The following KCNT1 variants were observed in gnomAD, a reference collection of about 807,000 sequenced individuals.
KCNT1 encodes the protein potassium sodium-activated channel subfamily T member 1, also known as potassium channel subfamily T member 1.
Under a neutral mutation model 147.8 loss-of-function variants are expected in KCNT1, and 78 were observed. That is an observed-to-expected ratio of 0.53 (90% confidence interval 0.44 to 0.64). The LOEUF is 0.64. KCNT1 is among the 30% of genes least tolerant of loss of function. The pLI, the probability that KCNT1 is intolerant of heterozygous loss-of-function variation, is 0.00. For synonymous variants in KCNT1, 867 were observed against 748.8 expected (o/e 1.16, Z -2.58); for missense variants, 1,419 against 1,750.3 (o/e 0.81, Z 3.38).
At chr9:135,775,889 T>C (rs1295902641) in intron 20 of KCNT1, among the ~76,000 whole-genome samples, 3 of 152,180 alleles carry the variant, frequency 2.0e-5, no homozygotes, top group Admixed American at 6.5e-5. Context: ...GGCTGCGTCT[T>C]AGCAACTCCT....
chr9:135,705,898 G>A (rs538814928), intron 1 of KCNT1, among the ~76,000 whole-genome samples: 1 of 152,228 alleles, frequency 6.6e-6, no homozygotes, highest in South Asian at 2.1e-4. Context: ...CCTAGATCGG[G>A]GGCGGGAGGT....
At chr9:135,758,933 G>A (rs992061625) in intron 10 of KCNT1, among the ~76,000 whole-genome samples, 1 of 151,946 alleles carries the variant, frequency 6.6e-6, no homozygotes, top group Non-Finnish European at 1.5e-5. Flanking sequence ...CCACCTGCCT[G>A]TGTCCTCGTG....
At chr9:135,784,990 CTG>C in intron 27 of KCNT1, 101 bp downstream of exon 27, 1 of 1,498,168 alleles carries the variant, frequency 6.7e-7, no homozygotes, top group Non-Finnish European at 8.9e-7. Context: ...AGCCCCTGTC[CTG>C]TGTGACCCAC....
At position 135,736,680 on chromosome 9, in the gene KCNT1, C is replaced by A. The variant is rs1049479450; in HGVS notation, c.255-13418C>A. The A allele has an allele frequency of 1.4e-3, 460 of 317,680 alleles. 1 individual carries two copies. The highest frequency in any genetic ancestry group is 2.1e-3 in the Non-Finnish European group (364 of 174,576). The allele number at this position is 317,680 out of a possible 1,614,324, so 19.7% of individuals were successfully genotyped here. A position where few individuals can be genotyped will look rare whatever the true frequency, so the allele number is the denominator to read the frequency against. On this transcript the variant is annotated intron_variant, in intron 2 of 30. Coordinates refer to ENST00000371757, the MANE Select transcript of KCNT1 (RefSeq NM_020822.3). ...GCTCGCCGTCCGAGGGCAAGGCGGG[C>A]CCGGGGGGCGCCCCAGCCGGCGCCG...
intron 11 of KCNT1, among the ~76,000 whole-genome samples, chr9:135,761,222 C>T (rs1007432852): frequency 6.6e-6 from 1 of 152,166 alleles, no homozygotes; most frequent in Non-Finnish European, 1.5e-5. Flanking sequence ...TCATTCCCTC[C>T]CTCGATCATA....
rs1249329420 is a variant in KCNT1, at chr9:135,702,195, G to A, written c.-64G>A. On this transcript the variant is annotated 5_prime_UTR_variant, in exon 1 of 31. Transcript: ENST00000371757. ...AAAAAAATGTTTTTCAGGGCAACGC[G>A]AGGGAAGAAGGTGGCGGCTCCCACT... is the stretch of plus-strand genomic sequence containing the variant. 8.2e-7 allele frequency: 1 copy of A among 1,220,536 alleles called. No homozygotes were observed. Among genetic ancestry groups the A allele is most frequent in the Non-Finnish European group, 1.2e-6 (1 of 842,686 alleles). 75.6% of individuals were successfully genotyped at this position (1,220,536 alleles called of 1,614,324 possible). A position where few individuals can be genotyped will look rare whatever the true frequency, so the allele number is the denominator to read the frequency against.
chr9:135,792,172 C>T lies in KCNT1; in HGVS notation c.*11C>T, dbSNP rs779464233. 29 of 1,602,500 alleles carry T rather than the reference C, an allele frequency of 1.8e-5. No individual in the cohort carries two copies. Among genetic ancestry groups the T allele is most frequent in the Non-Finnish European group, 2.3e-5 (27 of 1,178,566 alleles). Reference sequence around the variant, plus strand: ...GAGACACAGCTCTGAGCCAGCCCTGCACGGAGCTCAGGCCACCAAGCCCGG... The same window carrying T: ...GAGACACAGCTCTGAGCCAGCCCTGTACGGAGCTCAGGCCACCAAGCCCGG... On this transcript the variant is annotated 3_prime_UTR_variant, in exon 31 of 31. Coordinates refer to ENST00000371757, the MANE Select transcript of KCNT1 (RefSeq NM_020822.3).
Position 135,753,859 on chromosome 9 carries a change from G to A in KCNT1, c.435-78G>A, listed in dbSNP as rs993105880. The A allele has an allele frequency of 7.9e-6, 12 of 1,517,238 alleles. No individual in the cohort carries two copies. In the Admixed American group the frequency reaches 1.8e-4, roughly 23 times the overall value. 94.0% of individuals were successfully genotyped at this position (1,517,238 alleles called of 1,614,324 possible). The stretch of plus-strand genomic sequence containing the variant: ...AGGAGGCCCCCATGAACCCGAGCCT[G>A]TGGAAGCCCTCGGGCAGCAAGTCCT... On this transcript the variant is annotated intron_variant, in intron 4 of 30. Transcript: ENST00000371757.
At position 135,702,186 on chromosome 9, in the gene KCNT1, G is replaced by C; in HGVS notation, c.-73G>C. 8.7e-7 allele frequency: 1 copy of C among 1,152,838 alleles called. No homozygotes were observed. Among genetic ancestry groups the C allele is most frequent in the Non-Finnish European group, 1.3e-6 (1 of 783,076 alleles). 71.4% of individuals were successfully genotyped at this position (1,152,838 alleles called of 1,614,324 possible). A position where few individuals can be genotyped will look rare whatever the true frequency, so the allele number is the denominator to read the frequency against. On this transcript the variant is annotated 5_prime_UTR_variant, in exon 1 of 31. Transcript: ENST00000371757. Reference sequence around the variant, plus strand: ...GCGAGGAAAAAAAAAATGTTTTTCAGGGCAACGCGAGGGAAGAAGGTGGCG... The same window carrying C: ...GCGAGGAAAAAAAAAATGTTTTTCACGGCAACGCGAGGGAAGAAGGTGGCG...
intron 11 of KCNT1, among the ~76,000 whole-genome samples, chr9:135,762,311 C>T (rs4842033): frequency 0.3 from 44,872 of 152,070 alleles, 7,276 homozygotes; most frequent in African/African-American, 0.44. Context: ...CTGGGTGTGG[C>T]GGCATGCACC....
chr9:135,734,108 G>A (rs536457392), intron 2 of KCNT1, among the ~76,000 whole-genome samples: 1 of 152,314 alleles, frequency 6.6e-6, no homozygotes, highest in South Asian at 2.1e-4. Flanking sequence ...TTGGAGACAC[G>A]TTTGAACCAC....
chr9:135,791,936 T>TG, intron 30 of KCNT1, 55 bp downstream of exon 30: 1 of 1,610,362 alleles, frequency 6.2e-7, no homozygotes, highest in Non-Finnish European at 8.5e-7. Context: ...AGGTGGGCAC[T>TG]GGGGAGATGA....
At chr9:135,746,536 C>T (rs12684310) in intron 2 of KCNT1, among the ~76,000 whole-genome samples, 24,633 of 152,246 alleles carry the variant, frequency 0.16, 2,357 homozygotes, top group African/African-American at 0.23. Context: ...AGGGTTGCAT[C>T]TCTCTGTTTC....
intron 1 of KCNT1, among the ~76,000 whole-genome samples, chr9:135,711,106 A>C (rs1402206639): frequency 6.6e-6 from 1 of 152,208 alleles, no homozygotes; most frequent in African/African-American, 2.4e-5. Context: ...TGCCAACTCC[A>C]AACAGAGCCC....
intron 2 of KCNT1, among the ~76,000 whole-genome samples, chr9:135,738,880 C>T (rs539223968): frequency 2.6e-5 from 4 of 152,160 alleles, no homozygotes; most frequent in Admixed American, 1.3e-4. Context: ...GATTAGACAG[C>T]GTGGCTTCAG....
At chr9:135,758,803 G>A (rs1831696015) in intron 10 of KCNT1, among the ~76,000 whole-genome samples, 1 of 152,220 alleles carries the variant, frequency 6.6e-6, no homozygotes, top group African/African-American at 2.4e-5. Context: ...TGGCCCCTAG[G>A]CCAGGTGGGG....
At chr9:135,760,648 C>T (rs1831853911) in intron 11 of KCNT1, among the ~76,000 whole-genome samples, 1 of 152,234 alleles carries the variant, frequency 6.6e-6, no homozygotes, top group Non-Finnish European at 1.5e-5. Flanking sequence ...TCCCGCTAAA[C>T]AGCAGTGGGC....
At chr9:135,784,157 G>A (rs774326912) in intron 25 of KCNT1, 32 bp downstream of exon 25, 22 of 1,533,654 alleles carry the variant, frequency 1.4e-5, no homozygotes, top group Middle Eastern at 3.4e-4. Flanking sequence ...GGAGGGTGGC[G>A]CCTGGGTGGG....
Position 135,765,577 on chromosome 9 carries a change from G to A in KCNT1, c.1201-47G>A, listed in dbSNP as rs367740915. 384 of 1,575,288 alleles carry A rather than the reference G, an allele frequency of 2.4e-4. 6 individuals carry two copies. The South Asian group carries it at 4.0e-3, about 16-fold the overall frequency. ...GTCCTGAAGGCAGGGCCGCCCGGGC[G>A]GGGCAGGGGCTGGCTCAGAGGGTCT... On this transcript the variant is annotated intron_variant, in intron 12 of 30. Transcript: ENST00000371757.
Sources: gnomAD v4.1 joint callset for allele counts (sites outside exome capture counted in the v4.1 genomes callset) on GRCh38, gnomAD v4.1.1 for gene constraint, MANE v1.5 for transcripts, NCBI Gene and HGNC (gene_info 2026-07-23, HGNC 2026-07-21) for gene names.